The following KIF13A variants were observed in gnomAD, a reference collection of about 807,000 sequenced individuals.
The protein encoded by KIF13A is kinesin family member 13A.
Under a neutral mutation model 212.2 loss-of-function variants are expected in KIF13A, and 79 were observed. The ratio of observed to expected loss-of-function variants is 0.37; its 90% CI spans 0.31 to 0.45. KIF13A has a LOEUF of 0.45. KIF13A is among the 20% of genes least tolerant of loss of function. The probability of loss-of-function intolerance (pLI) is 1.00; values close to 1 mark genes in which losing one functional copy is unlikely to be tolerated. For missense variants in KIF13A, 1,901 were observed against 2,209.0 expected (o/e 0.86, Z 2.79); for synonymous variants, 789 against 808.6 (o/e 0.98, Z 0.41).
Position 17,878,031 on chromosome 6 carries a change from G to A in KIF13A, c.160-4594C>T, listed in dbSNP as rs534539884. 2.0e-5 allele frequency among the ~76,000 whole-genome samples: 3 copies of A among 152,316 alleles called. No individual in the cohort carries two copies. In the East Asian group the frequency reaches 5.8e-4, roughly 29 times the overall value. ...ACATGCAAAGACTCGTGGAGCTCATGAGTATCCTATTACTTGCATTATCTG... is the reference window on the plus strand; with the variant it reads ...ACATGCAAAGACTCGTGGAGCTCATAAGTATCCTATTACTTGCATTATCTG... On this transcript the variant is annotated intron_variant, in intron 3 of 38. Coordinates refer to ENST00000259711, the MANE Select transcript of KIF13A (RefSeq NM_022113.6).
Position 17,868,968 on chromosome 6 carries a change from C to T in KIF13A, c.220+4409G>A, listed in dbSNP as rs547390004. On this transcript the variant is annotated intron_variant, in intron 4 of 38. Transcript: ENST00000259711. ...CGAGATCGTGCCACTGCACTCTGGG[C>T]GACAGAGGGAGACTCCCTCTCAAAA... Among the ~76,000 whole-genome samples, 56 of 101,924 alleles carry T rather than the reference C, an allele frequency of 5.5e-4. No homozygotes were observed. In the East Asian group the frequency reaches 0.01, roughly 19 times the overall value. 66.9% of individuals were successfully genotyped at this position (101,924 alleles called of 152,430 possible).
chr6:17,935,259 C>T (rs558018019), intron 2 of KIF13A, among the ~76,000 whole-genome samples: 1 of 152,234 alleles, frequency 6.6e-6, no homozygotes, highest in East Asian at 1.9e-4. Context: ...AAGAATAATT[C>T]CTACTAAGGA....
Position 17,811,887 on chromosome 6 carries a change from G to A in KIF13A, c.2001-2957C>T, listed in dbSNP as rs1763462439. On this transcript the variant is annotated intron_variant, in intron 17 of 38. Transcript: ENST00000259711. The surrounding 1 kb of genome is among the most constrained non-coding windows in gnomAD (Gnocchi z 6.0). ...TTTCTTGGAGATAGGGTCTCCCTGT[G>A]TTGCCCAGGCTGCAGTGCAGTGGCT... Among the ~76,000 whole-genome samples, 1 of 147,542 alleles carries A rather than the reference G, an allele frequency of 6.8e-6. No homozygotes were observed. Among genetic ancestry groups the A allele is most frequent in the South Asian group, 2.1e-4 (1 of 4,710 alleles).
chr6:17,863,407 A>G lies in KIF13A; in HGVS notation c.221-7285T>C, dbSNP rs567350186. 2.0e-4 allele frequency among the ~76,000 whole-genome samples: 30 copies of G among 149,652 alleles called. No individual in the cohort carries two copies. The South Asian group carries it at 5.3e-3, about 27-fold the overall frequency. ...TTTTAACACTGAGAAGGGTACAGGG[A>G]AAAAAAAAACCCAATATAAAAAACT... On this transcript the variant is annotated intron_variant, in intron 4 of 38. Transcript: ENST00000259711.
chr6:17,851,751 C>A lies in KIF13A; in HGVS notation c.582+204G>T, dbSNP rs769601068. Reference sequence around the variant, plus strand: ...GAAAACACTGGGCCTCCCGGCCATACTGTAAAACCTTCACAACAAAGCAGC... The same window carrying A: ...GAAAACACTGGGCCTCCCGGCCATAATGTAAAACCTTCACAACAAAGCAGC... On this transcript the variant is annotated intron_variant, in intron 7 of 38. Coordinates refer to ENST00000259711, the MANE Select transcript of KIF13A (RefSeq NM_022113.6). 2.9e-4 allele frequency among the ~76,000 whole-genome samples: 44 copies of A among 152,250 alleles called. 1 individual carries two copies. The highest frequency in any genetic ancestry group is 3.2e-3 in the Middle Eastern group (1 of 316).
At chr6:17,927,411 G>A (rs1775579681) in intron 2 of KIF13A, among the ~76,000 whole-genome samples, 1 of 152,138 alleles carries the variant, frequency 6.6e-6, no homozygotes, top group Non-Finnish European at 1.5e-5. Flanking sequence ...AGACACAAAA[G>A]GATAAACACT....
intron 2 of KIF13A, among the ~76,000 whole-genome samples, chr6:17,975,268 G>A (rs1045541183): frequency 6.6e-6 from 1 of 152,228 alleles, no homozygotes; most frequent in African/African-American, 2.4e-5. Context: ...CAGGAGAATT[G>A]TTTGAATCTG....
intron 2 of KIF13A, among the ~76,000 whole-genome samples, chr6:17,974,001 T>C (rs758303422): frequency 2.0e-5 from 3 of 152,254 alleles, no homozygotes; most frequent in Non-Finnish European, 4.4e-5. Context: ...CCCTCTAATG[T>C]AATTCAAGTA....
At chr6:17,781,421 T>C in intron 29 of KIF13A, 120 bp from the exon 30 acceptor site, 2 of 1,045,746 alleles carry the variant, frequency 1.9e-6, no homozygotes, top group Non-Finnish European at 1.3e-6. Flanking sequence ...TTTTCTTTTT[T>C]CTTTCATTCC....
Position 17,771,956 on chromosome 6 carries a change from C to T in KIF13A, c.4428G>A (p.Glu1476=), listed in dbSNP as rs534596564. The T allele has an allele frequency of 4.3e-6, 7 of 1,614,014 alleles. No homozygotes were observed. The South Asian group carries it at 4.4e-5, about 10-fold the overall frequency. The change falls in exon 37 of 39, where the codon GAG becomes GAA. Residue 1476 remains glutamate (E), a synonymous_variant. Coordinates refer to ENST00000259711, the MANE Select transcript of KIF13A (RefSeq NM_022113.6). The surrounding 1 kb of genome is among the most constrained non-coding windows in gnomAD (Gnocchi z 5.4). ...FFKPLMPVKE[E]HKKRIALEAR... Reference sequence around the variant, plus strand: ...CTTCCAGGGCTATCCTTTTCTTATGCTCCTCTTTTACAGGCATTAGGGGCT... The same window carrying T: ...CTTCCAGGGCTATCCTTTTCTTATGTTCCTCTTTTACAGGCATTAGGGGCT...
At chr6:17,836,752 G>T in intron 11 of KIF13A, 126 bp downstream of exon 11, 2 of 839,580 alleles carry the variant, frequency 2.4e-6, no homozygotes, top group Non-Finnish European at 3.9e-6. Flanking sequence ...TTCAACATGA[G>T]ATTTGGGTAG....
chr6:17,916,126 TC>T (rs1774494257), intron 2 of KIF13A, among the ~76,000 whole-genome samples: 1 of 152,058 alleles, frequency 6.6e-6, no homozygotes, highest in Admixed American at 6.5e-5. Flanking sequence ...GTGACAAAAG[TC>T]ACACTAGTGG....
intron 2 of KIF13A, among the ~76,000 whole-genome samples, chr6:17,904,434 C>T (rs549948222): frequency 1.3e-5 from 2 of 152,266 alleles, no homozygotes; most frequent in African/African-American, 4.8e-5. Flanking sequence ...CACCACTGCA[C>T]TCCAGCCTGG....
rs576969388 is a variant in KIF13A, at chr6:17,934,343, C to T, written c.147-36163G>A. Among the ~76,000 whole-genome samples the T allele has an allele frequency of 4.6e-5, 7 of 152,262 alleles. No homozygotes were observed. Among genetic ancestry groups the T allele is most frequent in the South Asian group, 4.2e-4 (2 of 4,814 alleles). On this transcript the variant is annotated intron_variant, in intron 2 of 38. Coordinates refer to ENST00000259711, the MANE Select transcript of KIF13A (RefSeq NM_022113.6). This position sits in a 1 kb window ranked among gnomAD's most constrained non-coding sequence, Gnocchi z 5.4. The stretch of plus-strand genomic sequence containing the variant: ...CCTACACCAGTTGCTTAAGTGCAGA[C>T]GAGAGCGGCTGAACACCATCCCATT...
rs773191114 is a variant in KIF13A at position 17,808,798 on chromosome 6, G to C, written c.2133C>G (p.Ile711Met). The C allele has an allele frequency of 2.5e-6, 4 of 1,613,810 alleles. No homozygotes were observed. Among genetic ancestry groups the C allele is most frequent in the Non-Finnish European group, 3.4e-6 (4 of 1,179,830 alleles). The change falls in exon 18 of 39, where the codon ATC becomes ATG. Residue 711 changes from isoleucine to methionine, a missense_variant. Coordinates refer to ENST00000259711, the MANE Select transcript of KIF13A (RefSeq NM_022113.6). ...KLTDYQVTLQ[I>M]PAANLSANRK... Reference sequence around the variant, plus strand: ...TATTGGCACTGAGGTTTGCAGCAGGGATCTGAAGAGTCACTTGGTAATCGG... The same window carrying C: ...TATTGGCACTGAGGTTTGCAGCAGGCATCTGAAGAGTCACTTGGTAATCGG...
At position 17,773,023 on chromosome 6, in the gene KIF13A, T is replaced by C. The variant is rs866094294; in HGVS notation, c.4324+455A>G. Among the ~76,000 whole-genome samples the C allele has an allele frequency of 1.3e-5, 2 of 152,230 alleles. No homozygotes were observed. The highest frequency in any genetic ancestry group is 2.9e-5 in the Non-Finnish European group (2 of 68,042). Reference sequence around the variant, plus strand: ...AATACTGTTCCCATTAAGGCACTGGTAGACTGTATAATTTAGGTAATAATG... The same window carrying C: ...AATACTGTTCCCATTAAGGCACTGGCAGACTGTATAATTTAGGTAATAATG... On this transcript the variant is annotated intron_variant, in intron 36 of 38. Coordinates refer to ENST00000259711, the MANE Select transcript of KIF13A (RefSeq NM_022113.6). This position sits in a 1 kb window ranked among gnomAD's most constrained non-coding sequence, Gnocchi z 4.2.
Position 17,785,219 on chromosome 6 carries a change from A to G in KIF13A, c.3488+296T>C, listed in dbSNP as rs987278052. ...TATTCAAATACTTTCCAGCCAAGAT[A>G]AAAGAGTTTCTGGGCATCAGGGAAC... On this transcript the variant is annotated intron_variant, in intron 28 of 38. Transcript: ENST00000259711. The surrounding 1 kb of genome is among the most constrained non-coding windows in gnomAD (Gnocchi z 5.8). Among the ~76,000 whole-genome samples the G allele has an allele frequency of 6.6e-6, 1 of 152,216 alleles. No homozygotes were observed. The highest frequency in any genetic ancestry group is 1.5e-5 in the Non-Finnish European group (1 of 68,044).
At chr6:17,927,312 T>C (rs1198223765) in intron 2 of KIF13A, among the ~76,000 whole-genome samples, 1 of 152,144 alleles carries the variant, frequency 6.6e-6, no homozygotes, top group East Asian at 1.9e-4. Flanking sequence ...GGGTATATAC[T>C]ACAATGGAAT....
At chr6:17,881,180 C>T (rs1364943779) in intron 3 of KIF13A, among the ~76,000 whole-genome samples, 1 of 152,102 alleles carries the variant, frequency 6.6e-6, no homozygotes, top group African/African-American at 2.4e-5. Flanking sequence ...AAAACTCATA[C>T]CAGGATTTAA....
Sources: allele counts gnomAD v4.1 joint callset (sites outside exome capture counted in the v4.1 genomes callset), GRCh38; gene constraint gnomAD v4.1.1; non-coding constraint Gnocchi (gnomAD v3.1); transcripts MANE v1.5; gene names NCBI Gene and HGNC (gene_info 2026-07-23, HGNC 2026-07-21).